The following PDE9A variants were observed in gnomAD, a reference collection of about 807,000 sequenced individuals.
PDE9A encodes the protein high affinity cGMP-specific 3',5'-cyclic phosphodiesterase 9A.
PDE9A carries 60 observed loss-of-function variants against 87.4 expected under a neutral mutation model. The ratio of observed to expected loss-of-function variants is 0.69; its 90% CI spans 0.56 to 0.85. PDE9A has a LOEUF of 0.85. PDE9A is among the 40% of genes least tolerant of loss of function. The pLI is 0.00. For missense variants in PDE9A, 665 were observed against 779.0 expected, an observed-to-expected ratio of 0.85 and a Z score of 1.74; for synonymous variants, 272 against 279.4, an observed-to-expected ratio of 0.97 and a Z score of 0.27.
intron 1 of PDE9A, among the ~76,000 whole-genome samples, chr21:42,670,320 T>TCA (rs374288408): frequency 0.029 from 4,021 of 140,030 alleles, 78 homozygotes; most frequent in Middle Eastern, 0.056. Context: ...GACACCACAC[T>TCA]CACATTCACA....
chr21:42,712,274 T>A (rs958450223), intron 4 of PDE9A, among the ~76,000 whole-genome samples: 2 of 152,178 alleles, frequency 1.3e-5, no homozygotes, highest in Non-Finnish European at 2.9e-5. Flanking sequence ...CCAAAGTGTT[T>A]TCTGTTTTCT....
intron 18 of PDE9A, 45 bp downstream of exon 18, chr21:42,770,843 C>A: frequency 6.8e-7 from 1 of 1,462,480 alleles, no homozygotes; most frequent in Non-Finnish European, 9.6e-7. Flanking sequence ...GGCAAGCAGG[C>A]ACGCTGCCCT....
rs569223523 is a variant in PDE9A at position 42,701,259 on chromosome 21, T to A, written c.262+2248T>A. 2.6e-5 allele frequency: 4 copies of A among 152,276 alleles called. No homozygotes were observed. In the East Asian group the frequency reaches 7.7e-4, roughly 29 times the overall value. 9.4% of individuals were successfully genotyped at this position (152,276 alleles called of 1,614,324 possible). A position where few individuals can be genotyped will look rare whatever the true frequency, so the allele number is the denominator to read the frequency against. ...TTTTTCATTTCAATTTCCGGTAGTTTTTAGTTTATAGGAATTGGCTTCTGT... is the reference window on the plus strand; with the variant it reads ...TTTTTCATTTCAATTTCCGGTAGTTATTAGTTTATAGGAATTGGCTTCTGT... On this transcript the variant is annotated intron_variant, in intron 4 of 19. Transcript: ENST00000291539.
chr21:42,775,152 G>A, intron 19 of PDE9A, 128 bp from the exon 20 acceptor site: 1 of 783,498 alleles, frequency 1.3e-6, no homozygotes, highest in Admixed American at 2.2e-5. Flanking sequence ...ATGTTGGTCA[G>A]CCTGGTCTCG....
intron 19 of PDE9A, among the ~76,000 whole-genome samples, chr21:42,773,928 C>CT (rs1224716919): frequency 1.4e-5 from 2 of 146,788 alleles, no homozygotes; most frequent in Non-Finnish European, 3.0e-5. Context: ...CACGGTGAAA[C>CT]CCTTCTCTAC....
chr21:42,766,277 G>A (rs1330780629), intron 15 of PDE9A, among the ~76,000 whole-genome samples: 1 of 152,164 alleles, frequency 6.6e-6, no homozygotes, highest in Non-Finnish European at 1.5e-5. Flanking sequence ...GTGAGCCATG[G>A]TCGTTCCACT....
intron 1 of PDE9A, 121 bp downstream of exon 1, chr21:42,654,004 G>T: frequency 2.8e-6 from 1 of 351,396 alleles, no homozygotes; most frequent in Non-Finnish European, 5.2e-6. Context: ...CGTGCGCTCC[G>T]CCAGCTCTGG....
At chr21:42,762,684 T>C (rs1301141305) in intron 14 of PDE9A, among the ~76,000 whole-genome samples, 1 of 151,836 alleles carries the variant, frequency 6.6e-6, no homozygotes, top group Non-Finnish European at 1.5e-5. Context: ...GTCAGCCCCC[T>C]TCCTTTTATT....
intron 16 of PDE9A, 21 bp from the exon 17 acceptor site, chr21:42,769,006 T>C: frequency 6.3e-7 from 1 of 1,595,532 alleles, no homozygotes; most frequent in East Asian, 2.2e-5. Flanking sequence ...CTAATGTCAC[T>C]GTCTGCTGCA....
At chr21:42,752,752 C>G (rs767798780) in intron 9 of PDE9A, among the ~76,000 whole-genome samples, 9 of 152,242 alleles carry the variant, frequency 5.9e-5, no homozygotes, top group Non-Finnish European at 1.3e-4. Flanking sequence ...TAGGAGAAGA[C>G]AGTGTGCAAT....
chr21:42,710,264 C>T (rs2049199851), intron 4 of PDE9A, among the ~76,000 whole-genome samples: 1 of 152,040 alleles, frequency 6.6e-6, no homozygotes. Flanking sequence ...AAAAAATTAG[C>T]AGGGTGTGGT....
intron 1 of PDE9A, among the ~76,000 whole-genome samples, chr21:42,670,209 TTACA>T (rs1238912754): frequency 2.0e-4 from 21 of 103,454 alleles, no homozygotes; most frequent in African/African-American, 1.6e-3. Flanking sequence ...ACACATACAC[TTACA>T]TTCACACACA....
At chr21:42,680,719 A>G (rs897835786) in intron 1 of PDE9A, among the ~76,000 whole-genome samples, 1 of 152,154 alleles carries the variant, frequency 6.6e-6, no homozygotes, top group Non-Finnish European at 1.5e-5. Context: ...ATCAACCCCA[A>G]CAAGCAGCAG....
At chr21:42,770,389 G>A (rs2056922192) in intron 17 of PDE9A, among the ~76,000 whole-genome samples, 1 of 152,196 alleles carries the variant, frequency 6.6e-6, no homozygotes, top group East Asian at 1.9e-4. Context: ...AGGACCCTCA[G>A]CCGGGAGGCT....
chr21:42,755,191 T>C (rs2054902104), intron 10 of PDE9A, among the ~76,000 whole-genome samples: 1 of 152,226 alleles, frequency 6.6e-6, no homozygotes, highest in African/African-American at 2.4e-5. Context: ...CTCAGCAAGC[T>C]CACCTGTGCT....
At chr21:42,700,919 CT>C (rs2048335650) in intron 4 of PDE9A, 1 of 152,094 alleles carries the variant, frequency 6.6e-6, no homozygotes, top group Non-Finnish European at 1.5e-5. Context: ...TCTCTGGTTT[CT>C]TTTTTCTTTT....
chr21:42,674,708 C>T (rs140829356), intron 1 of PDE9A, among the ~76,000 whole-genome samples: 5 of 152,264 alleles, frequency 3.3e-5, no homozygotes, highest in Admixed American at 6.5e-5. Flanking sequence ...CTCCTACCAC[C>T]AGCCTCTCTC....
rs1027605822 is a variant in PDE9A at position 42,692,937 on chromosome 21, G to A, written c.218+4943G>A. 3.3e-5 allele frequency among the ~76,000 whole-genome samples: 5 copies of A among 152,134 alleles called. No homozygotes were observed. Among genetic ancestry groups the A allele is most frequent in the African/African-American group, 7.2e-5 (3 of 41,436 alleles). ...GCTCACCGTTTCTCTCCCGCCCCCC[G>A]GCCGCATGCTGCAGCCATTCCCTCA... On this transcript the variant is annotated intron_variant, in intron 3 of 19. Coordinates refer to ENST00000291539, the MANE Select transcript of PDE9A (RefSeq NM_002606.3). The surrounding 1 kb of genome is among the most constrained non-coding windows in gnomAD (Gnocchi z 4.3).
chr21:42,754,189 A>AG (rs2054763577), intron 10 of PDE9A, 125 bp downstream of exon 10: 8 of 608,764 alleles, frequency 1.3e-5, no homozygotes, highest in South Asian at 5.9e-5. Flanking sequence ...AAAGACTGAA[A>AG]AAAAAAAACA....
Sources: gnomAD v4.1 joint callset for allele counts (sites outside exome capture counted in the v4.1 genomes callset) on GRCh38, gnomAD v4.1.1 for gene constraint, Gnocchi (gnomAD v3.1) non-coding constraint, MANE v1.5 for transcripts, NCBI Gene and HGNC (gene_info 2026-07-23, HGNC 2026-07-21) for gene names.